DCAF1: variants seen among roughly 807,000 people sequenced by gnomAD.
DCAF1 encodes the protein DDB1- and CUL4-associated factor 1.
DCAF1 carries 15 observed loss-of-function variants against 128.0 expected under a neutral mutation model. That is an observed-to-expected ratio of 0.12 (90% CI 0.08 to 0.18). The LOEUF is 0.18. Among genes scored for constraint, DCAF1 ranks in the 10% least tolerant of loss-of-function variants. DCAF1 has a pLI of 1.00. For synonymous variants in DCAF1, 610 were observed against 603.0 expected, an observed-to-expected ratio of 1.01 and a Z score of -0.17; for missense variants, 988 against 1,649.5, an observed-to-expected ratio of 0.60 and a Z score of 6.95.
intron 12 of DCAF1, 52 bp downstream of exon 12, chr3:51,429,209 T>G (rs1700164800): frequency 1.4e-6 from 1 of 717,308 alleles, no homozygotes; most frequent in African/African-American, 1.7e-5. Flanking sequence ...AGGACTGAGA[T>G]GCTACAGAGA....
At chr3:51,494,453 G>C (rs905426626) in intron 2 of DCAF1, among the ~76,000 whole-genome samples, 1 of 152,064 alleles carries the variant, frequency 6.6e-6, no homozygotes, top group African/African-American at 2.4e-5. Flanking sequence ...TCTAGAACTA[G>C]AAAGAGATAA....
At chr3:51,489,936 A>G (rs1261236712) in intron 2 of DCAF1, among the ~76,000 whole-genome samples, 1 of 152,130 alleles carries the variant, frequency 6.6e-6, no homozygotes, top group Non-Finnish European at 1.5e-5. Context: ...AGAAAATCCT[A>G]AAGAATCCAC....
chr3:51,489,357 G>A (rs782668372), intron 2 of DCAF1, among the ~76,000 whole-genome samples: 11 of 152,082 alleles, frequency 7.2e-5, no homozygotes, highest in East Asian at 1.9e-4. Flanking sequence ...TGCTTGAATC[G>A]AAGAGGCAGA....
At position 51,398,061 on chromosome 3, in the gene DCAF1, C is replaced by T. The variant is rs1355017669; in HGVS notation, c.*708G>A. On this transcript the variant is annotated 3_prime_UTR_variant, in exon 25 of 25. Coordinates refer to ENST00000684031, the MANE Select transcript of DCAF1 (RefSeq NM_001387579.1). ...ATATCCACAATGACCATGCTGCCCC[C>T]AAACCATGAAGGTGAGTGAATTTAG... 1 of 155,632 alleles carries T rather than the reference C, an allele frequency of 6.4e-6. No individual in the cohort carries two copies. Among genetic ancestry groups the T allele is most frequent in the African/African-American group, 2.4e-5 (1 of 41,408 alleles). The allele number at this position is 155,632 out of a possible 1,614,324, so 9.6% of individuals were successfully genotyped here. A position where few individuals can be genotyped will look rare whatever the true frequency, so the allele number is the denominator to read the frequency against.
At chr3:51,438,370 TG>T (rs1170428918) in intron 9 of DCAF1, among the ~76,000 whole-genome samples, 3 of 152,144 alleles carry the variant, frequency 2.0e-5, no homozygotes, top group African/African-American at 4.8e-5. Flanking sequence ...TAACGTCCTT[TG>T]TAACAAAAAA....
At chr3:51,442,846 C>T (rs370331067) in intron 7 of DCAF1, among the ~76,000 whole-genome samples, 11 of 152,090 alleles carry the variant, frequency 7.2e-5, no homozygotes, top group African/African-American at 1.4e-4. Context: ...AACTAAACAC[C>T]GCATGCTCTC....
At chr3:51,475,809 C>A (rs1376497864) in intron 3 of DCAF1, among the ~76,000 whole-genome samples, 1 of 151,780 alleles carries the variant, frequency 6.6e-6, no homozygotes, top group Non-Finnish European at 1.5e-5. Context: ...TGCAGTGAGC[C>A]GAGATTGCGC....
intron 17 of DCAF1, 143 bp from the exon 18 acceptor site, chr3:51,417,014 C>A: frequency 7.6e-7 from 1 of 1,316,264 alleles, no homozygotes; most frequent in Non-Finnish European, 1.0e-6. Context: ...AACAATCATA[C>A]ACTTAGATTA....
intron 11 of DCAF1, 76 bp downstream of exon 11, chr3:51,429,957 A>C: frequency 1.4e-6 from 1 of 730,026 alleles, no homozygotes; most frequent in South Asian, 1.5e-5. Context: ...CCTTTCTTCA[A>C]GGGTGTGCCG....
chr3:51,485,459 A>G (rs782755189), intron 2 of DCAF1, among the ~76,000 whole-genome samples: 2 of 152,228 alleles, frequency 1.3e-5, no homozygotes, highest in Non-Finnish European at 2.9e-5. Flanking sequence ...AGACACCCAC[A>G]TATGAGAGGC....
intron 23 of DCAF1, among the ~76,000 whole-genome samples, chr3:51,404,279 GTCAGC>G (rs2089950500): frequency 2.0e-5 from 3 of 152,186 alleles, no homozygotes; most frequent in African/African-American, 7.2e-5. Flanking sequence ...AACATCAACT[GTCAGC>G]CTTGCCAATA....
At chr3:51,452,871 C>T (rs1216481252) in intron 6 of DCAF1, among the ~76,000 whole-genome samples, 1 of 151,858 alleles carries the variant, frequency 6.6e-6, no homozygotes, top group Admixed American at 6.6e-5. Context: ...AAAAATTAGC[C>T]GGGCGTGGTG....
intron 6 of DCAF1, among the ~76,000 whole-genome samples, chr3:51,447,818 C>A (rs1201970070): frequency 6.6e-6 from 1 of 152,052 alleles, no homozygotes; most frequent in Non-Finnish European, 1.5e-5. Context: ...CATGGTGGCA[C>A]ACGCCTATAA....
At position 51,451,066 on chromosome 3, in the gene DCAF1, A is replaced by ACTC. The variant is rs1553641391; in HGVS notation, c.376-7164_376-7163insGAG. Among the ~76,000 whole-genome samples the ACTC allele has an allele frequency of 5.3e-3, 174 of 32,828 alleles. 5 individuals are homozygous for ACTC. Among genetic ancestry groups the ACTC allele is most frequent in the Non-Finnish European group, 9.9e-3 (146 of 14,742 alleles). The allele number at this position is 32,828 out of a possible 152,430, so 21.5% of individuals were successfully genotyped here. A position where few individuals can be genotyped will look rare whatever the true frequency, so the allele number is the denominator to read the frequency against. On this transcript the variant is annotated intron_variant, in intron 6 of 24. Coordinates refer to ENST00000684031, the MANE Select transcript of DCAF1 (RefSeq NM_001387579.1). ...TAGCAATGAACAATATAAAAAGGAA[A>ACTC]TTCTTTTTTTTTTTTTTTTTTTTTT...
At chr3:51,472,356 G>A (rs1380849470) in intron 3 of DCAF1, among the ~76,000 whole-genome samples, 2 of 152,098 alleles carry the variant, frequency 1.3e-5, no homozygotes, top group Non-Finnish European at 2.9e-5. Flanking sequence ...CACTACAAGT[G>A]AGTTCTGCCT....
intron 18 of DCAF1, among the ~76,000 whole-genome samples, chr3:51,415,092 G>C (rs542831414): frequency 6.6e-6 from 1 of 152,114 alleles, no homozygotes; most frequent in East Asian, 1.9e-4. Context: ...CATTATATTT[G>C]ATTTCCTTCC....
chr3:51,424,869 A>C (rs1699765747), intron 13 of DCAF1, among the ~76,000 whole-genome samples: 1 of 152,176 alleles, frequency 6.6e-6, no homozygotes, highest in Non-Finnish European at 1.5e-5. Flanking sequence ...AATTCAGAAG[A>C]TGGGTGACTC....
chr3:51,404,928 C>A (rs1553626149), intron 23 of DCAF1, among the ~76,000 whole-genome samples: 1 of 152,174 alleles, frequency 6.6e-6, no homozygotes, highest in Admixed American at 6.5e-5. Flanking sequence ...AGGCTCTCAG[C>A]CCCTACAAGC....
chr3:51,457,152 T>G (rs1307716451), intron 6 of DCAF1, among the ~76,000 whole-genome samples: 2 of 151,842 alleles, frequency 1.3e-5, no homozygotes, highest in African/African-American at 4.8e-5. Flanking sequence ...GGCAAAGAAG[T>G]TAAAAGCTTT....
Sources: allele counts gnomAD v4.1 joint callset (sites outside exome capture counted in the v4.1 genomes callset), GRCh38; gene constraint gnomAD v4.1.1; transcripts MANE v1.5; gene names NCBI Gene and HGNC (gene_info 2026-07-23, HGNC 2026-07-21).